The following SLC9A9 variants were observed in gnomAD, a reference collection of about 807,000 sequenced individuals.
The protein encoded by SLC9A9 is sodium/hydrogen exchanger 9.
Under a neutral mutation model 77.8 loss-of-function variants are expected in SLC9A9, and 62 were observed. That is an observed-to-expected ratio of 0.80 (90% CI 0.65 to 0.98). SLC9A9 has a LOEUF of 0.98. SLC9A9 is among the 50% of genes least tolerant of loss of function. The pLI, the probability that SLC9A9 is intolerant of heterozygous loss-of-function variation, is 0.00. For missense variants in SLC9A9, 775 were observed against 774.9 expected, an observed-to-expected ratio of 1.00 and a Z score of 0.00; for synonymous variants, 320 against 283.5, an observed-to-expected ratio of 1.13 and a Z score of -1.29.
At chr3:143,382,894 T>C (rs572986151) in intron 12 of SLC9A9, among the ~76,000 whole-genome samples, 176 of 152,338 alleles carry the variant, frequency 1.2e-3, no homozygotes, top group Non-Finnish European at 1.7e-3. Context: ...CAGTCTTTCC[T>C]CTAGCAAGAC....
chr3:143,704,513 CT>C (rs1933903156), intron 4 of SLC9A9, among the ~76,000 whole-genome samples: 1 of 152,098 alleles, frequency 6.6e-6, no homozygotes, highest in Admixed American at 6.6e-5. Context: ...TTTGATACAG[CT>C]TAACATCCCT....
At chr3:143,513,369 A>G (rs2036149031) in intron 9 of SLC9A9, among the ~76,000 whole-genome samples, 1 of 152,196 alleles carries the variant, frequency 6.6e-6, no homozygotes, top group Non-Finnish European at 1.5e-5. Context: ...GAAACAACTC[A>G]TCTGTTCAAG....
chr3:143,268,664 C>T (rs897135218), intron 15 of SLC9A9, among the ~76,000 whole-genome samples: 36 of 133,188 alleles, frequency 2.7e-4, no homozygotes, highest in African/African-American at 8.2e-4. Flanking sequence ...ACCCGGGAGG[C>T]GGAGCTTGCA....
chr3:143,652,120 A>T (rs1304884207), intron 6 of SLC9A9, 135 bp downstream of exon 6: 6 of 720,234 alleles, frequency 8.3e-6, no homozygotes, highest in Non-Finnish European at 1.2e-5. Flanking sequence ...TGTGCCCATT[A>T]TGGAAATTTT....
At chr3:143,795,783 G>A (rs1015056419) in intron 3 of SLC9A9, among the ~76,000 whole-genome samples, 7 of 152,184 alleles carry the variant, frequency 4.6e-5, no homozygotes, top group Non-Finnish European at 2.9e-5. Flanking sequence ...TTATTTTAAT[G>A]AGTCAGCCAC....
At chr3:143,342,872 T>C (rs147268376) in intron 14 of SLC9A9, among the ~76,000 whole-genome samples, 49 of 152,334 alleles carry the variant, frequency 3.2e-4, no homozygotes, top group African/African-American at 1.0e-3. Flanking sequence ...CTTTTAACCA[T>C]GCATCTCTCT....
intron 11 of SLC9A9, among the ~76,000 whole-genome samples, chr3:143,488,713 AC>A (rs978382292): frequency 3.9e-5 from 6 of 152,032 alleles, no homozygotes; most frequent in Admixed American, 1.3e-4. Context: ...GATAAAAAAA[AC>A]AACCAACTAG....
At chr3:143,382,330 A>T (rs2033324772) in intron 12 of SLC9A9, among the ~76,000 whole-genome samples, 1 of 152,238 alleles carries the variant, frequency 6.6e-6, no homozygotes, top group South Asian at 2.1e-4. Flanking sequence ...TTAAGCATCA[A>T]CAGCAGCTCT....
chr3:143,592,128 A>C (rs2037655457), intron 6 of SLC9A9, among the ~76,000 whole-genome samples: 1 of 152,240 alleles, frequency 6.6e-6, no homozygotes, highest in Non-Finnish European at 1.5e-5. Context: ...GCAAATACTG[A>C]CAGTAGAACA....
chr3:143,485,732 CCATT>C (rs1290986249), intron 11 of SLC9A9, among the ~76,000 whole-genome samples: 8 of 151,828 alleles, frequency 5.3e-5, no homozygotes, highest in South Asian at 4.2e-4. Flanking sequence ...GATAGTATGG[CCATT>C]CAAAGTAAAA....
chr3:143,393,809 A>G (rs1027646955), intron 12 of SLC9A9, among the ~76,000 whole-genome samples: 9 of 151,936 alleles, frequency 5.9e-5, no homozygotes, highest in African/African-American at 2.2e-4. Flanking sequence ...ACCATCAGAG[A>G]ATACTATAAA....
chr3:143,830,663 G>A (rs990121566), intron 2 of SLC9A9, among the ~76,000 whole-genome samples: 1 of 152,238 alleles, frequency 6.6e-6, no homozygotes, highest in East Asian at 1.9e-4. Context: ...AGAGTGAAGA[G>A]AGAAATAATT....
At chr3:143,375,156 C>A in intron 13 of SLC9A9, among the ~76,000 whole-genome samples, 1 of 152,176 alleles carries the variant, frequency 6.6e-6, no homozygotes, top group East Asian at 1.9e-4. Flanking sequence ...GGAATATTCA[C>A]CAAGATATAT....
At chr3:143,548,643 A>G (rs769665636) in intron 9 of SLC9A9, among the ~76,000 whole-genome samples, 1 of 152,228 alleles carries the variant, frequency 6.6e-6, no homozygotes, top group African/African-American at 2.4e-5. Flanking sequence ...GCGTAACAGC[A>G]TCATAGTGCC....
chr3:143,546,732 C>G (rs902674960), intron 9 of SLC9A9, among the ~76,000 whole-genome samples: 29 of 152,176 alleles, frequency 1.9e-4, no homozygotes, highest in African/African-American at 7.0e-4. Flanking sequence ...CTAGAAAAAA[C>G]TCTAATACAT....
intron 6 of SLC9A9, among the ~76,000 whole-genome samples, chr3:143,600,291 GT>G (rs2037824354): frequency 6.6e-6 from 1 of 151,998 alleles, no homozygotes; most frequent in Admixed American, 6.6e-5. Flanking sequence ...TTGGTTTTCC[GT>G]TCCTGTGTTA....
intron 12 of SLC9A9, among the ~76,000 whole-genome samples, chr3:143,406,818 A>C (rs369587821): frequency 4.6e-5 from 7 of 152,040 alleles, no homozygotes; most frequent in African/African-American, 1.7e-4. Context: ...TCTACTAAAA[A>C]CACAAAAGTT....
intron 12 of SLC9A9, among the ~76,000 whole-genome samples, chr3:143,395,857 A>G (rs1319790094): frequency 6.6e-6 from 1 of 152,244 alleles, no homozygotes; most frequent in Non-Finnish European, 1.5e-5. Flanking sequence ...AATGCTCATC[A>G]TCACTGGCCA....
chr3:143,472,480 C>G (rs1427961725), intron 11 of SLC9A9, among the ~76,000 whole-genome samples: 1 of 152,090 alleles, frequency 6.6e-6, no homozygotes, highest in Non-Finnish European at 1.5e-5. Context: ...CTCCTATAAC[C>G]CTCATCAAAA....
Sources: gnomAD v4.1 joint callset for allele counts (sites outside exome capture counted in the v4.1 genomes callset) on GRCh38, gnomAD v4.1.1 for gene constraint, MANE v1.5 for transcripts, NCBI Gene and HGNC (gene_info 2026-07-23, HGNC 2026-07-21) for gene names.